The following AMER1 variants were observed in gnomAD, a reference collection of about 807,000 sequenced individuals.
The protein encoded by AMER1 is APC membrane recruitment protein 1.
AMER1 carries 16 observed loss-of-function variants against 53.0 expected under a neutral mutation model. The observed-to-expected ratio is 0.30, with a 90% CI of 0.20 to 0.46. The LOEUF is 0.46. AMER1 is among the 20% of genes least tolerant of loss of function. The pLI is 1.00. For missense variants in AMER1, 947 were observed against 884.9 expected (o/e 1.07, Z -0.89); for synonymous variants, 354 against 331.9 (o/e 1.07, Z -0.73).
Position 64,189,324 on chromosome X carries a change from G to T in AMER1, c.*555C>A. 1.3e-6 allele frequency: 1 copy of T among 787,664 alleles called. No homozygotes were observed. The allele number at this position is 787,664 out of a possible 1,213,427, so 64.9% of individuals were successfully genotyped here. A position where few individuals can be genotyped will look rare whatever the true frequency, so the allele number is the denominator to read the frequency against. On this transcript the variant is annotated 3_prime_UTR_variant, in exon 2 of 2. Coordinates refer to ENST00000374869, the MANE Select transcript of AMER1 (RefSeq NM_152424.4). ...ATTTCACATTGCTAATAGCAAATAA[G>T]CCCCACTTCCCCAAGCGGGAGGCAA...
Position 64,189,793 on chromosome X carries a change from A to ACGGGGGCCCCCCCCCCCC in AMER1, c.*85_*86insGGGGGGGGGGGGCCCCCG. 4 of 292,064 alleles carry ACGGGGGCCCCCCCCCCCC rather than the reference A, an allele frequency of 1.4e-5. No individual in the cohort carries two copies. The highest frequency in any genetic ancestry group is 1.7e-4 in the East Asian group (1 of 5,961). The allele number at this position is 292,064 out of a possible 1,213,427, so 24.1% of individuals were successfully genotyped here. On this transcript the variant is annotated 3_prime_UTR_variant, in exon 2 of 2. Coordinates refer to ENST00000374869, the MANE Select transcript of AMER1 (RefSeq NM_152424.4). ...CAAAGGGTTTTCAAGTTAAACAACA[A>ACGGGGGCCCCCCCCCCCC]CCCCCACCCCCCCACCCTTCTGCCC...
intron 1 of AMER1, among the ~76,000 whole-genome samples, chrX:64,204,559 G>A (rs759791013): frequency 7.9e-5 from 9 of 113,313 alleles, no homozygotes; most frequent in Non-Finnish European, 1.7e-4. Flanking sequence ...CGAAGTTGGA[G>A]GGTTTGGCCA....
chrX:64,188,187 G>A lies in AMER1; in HGVS notation c.*1692C>T. 1.2e-6 allele frequency: 1 copy of A among 805,549 alleles called. No homozygotes were observed. The highest frequency in any genetic ancestry group is 7.5e-5 in the Admixed American group (1 of 13,390). The allele number at this position is 805,549 out of a possible 1,213,427, so 66.4% of individuals were successfully genotyped here. A position where few individuals can be genotyped will look rare whatever the true frequency, so the allele number is the denominator to read the frequency against. On this transcript the variant is annotated 3_prime_UTR_variant, in exon 2 of 2. Transcript: ENST00000374869. ...ATATCTCAGGAATGGCAAGAACCCT[G>A]TTGACTTCTTCTCTCAACAGGCATG...
At position 64,191,116 on chromosome X, in the gene AMER1, C is replaced by T. The variant is rs981699309; in HGVS notation, c.2171G>A (p.Ser724Asn). The T allele has an allele frequency of 8.2e-7, 1 of 1,212,347 alleles. No individual in the cohort carries two copies. The highest frequency in any genetic ancestry group is 1.1e-6 in the Non-Finnish European group (1 of 895,683). ...CATGTCTGGCTCAAACATGGCATCACTCTGGAAGAGCTGCATCAGGCAGGT... is the reference window on the plus strand; with the variant it reads ...CATGTCTGGCTCAAACATGGCATCATTCTGGAAGAGCTGCATCAGGCAGGT... ...QSTCLMQLFQ[S>N]DAMFEPDMQE... is the part of the protein sequence containing the mutation. The change falls in exon 2 of 2, where the codon AGT (serine) becomes AAT (asparagine). Residue 724 changes from serine (S) to asparagine (N), a missense_variant. Physicochemically the swap from Ser to Asn is conservative, Grantham distance 46. Coordinates refer to ENST00000374869, the MANE Select transcript of AMER1 (RefSeq NM_152424.4).
At position 64,190,191 on chromosome X, in the gene AMER1, A is replaced by G. The variant is rs771124419; in HGVS notation, c.3096T>C (p.Pro1032=). ...RPSHLHLPMG[P]CYNLQPQASQ... ...AGGCCTGTGGCTGGAGGTTATAGCAAGGGCCCATGGGCAGGTGTAGGTGTG... is the reference window on the plus strand; with the variant it reads ...AGGCCTGTGGCTGGAGGTTATAGCAGGGGCCCATGGGCAGGTGTAGGTGTG... The change falls in exon 2 of 2, where the codon CCT becomes CCC. Residue 1032 remains proline, a synonymous_variant. Transcript: ENST00000374869. 8.3e-7 allele frequency: 1 copy of G among 1,209,805 alleles called. No homozygotes were observed.
intron 1 of AMER1, among the ~76,000 whole-genome samples, chrX:64,201,670 T>G (rs2147094869): frequency 8.9e-6 from 1 of 111,933 alleles, no homozygotes; most frequent in Non-Finnish European, 1.9e-5. Context: ...GAAATAACAT[T>G]GGACATTCTC....
chrX:64,200,573 G>A (rs1330453627), intron 1 of AMER1, among the ~76,000 whole-genome samples: 2 of 111,962 alleles, frequency 1.8e-5, no homozygotes, highest in Non-Finnish European at 3.8e-5. Context: ...ATGGGAGATT[G>A]GACCAGGGAG....
In AMER1 at chrX:64,189,950, T is replaced by C. The variant is rs2147083957; in HGVS notation, c.3337A>G (p.Arg1113Gly). ...GCAAGAGAGGCACCTTGCTCAGCCC[T>C]CTCCTTTGACAGGTCAAGGCTGGAA... The part of the protein sequence containing the change: ...GPSSLDLSKE[R>G]AEQGASLATS... Residue 1113 changes from arginine (R) to glycine (G), a missense_variant, in exon 2 of 2, where the codon AGG becomes GGG. Physicochemically the swap from Arg to Gly is moderately radical, Grantham distance 125. Transcript: ENST00000374869. The C allele has an allele frequency of 8.3e-7, 1 of 1,206,475 alleles. No homozygotes were observed.
At position 64,192,701 on chromosome X, in the gene AMER1, C is replaced by A. The variant is rs751224138; in HGVS notation, c.586G>T (p.Gly196Trp). The A allele has an allele frequency of 1.0e-5, 12 of 1,180,882 alleles. No homozygotes were observed. Among genetic ancestry groups the A allele is most frequent in the Non-Finnish European group, 1.4e-5 (12 of 881,619 alleles). ...GAEQSEPGAK[G>W]PERVRARPHE... is the part of the protein sequence containing the mutation. The stretch of plus-strand genomic sequence containing the variant: ...GGCCTGGCTCTGACCCTCTCAGGCC[C>A]CTTGGCCCCTGGCTCACTTTGCTCA... The change falls in exon 2 of 2, where the codon GGG becomes TGG. Residue 196 changes from glycine to tryptophan, a missense_variant. By Grantham distance (184) the Gly-to-Trp change is radical (BLOSUM62 -2). Coordinates refer to ENST00000374869, the MANE Select transcript of AMER1 (RefSeq NM_152424.4).
chrX:64,188,058 T>G lies in AMER1; in HGVS notation c.*1821A>C. The G allele has an allele frequency of 1.3e-6, 1 of 783,400 alleles. No individual in the cohort carries two copies. The highest frequency in any genetic ancestry group is 1.5e-6 in the Non-Finnish European group (1 of 656,905). The allele number at this position is 783,400 out of a possible 1,213,427, so 64.6% of individuals were successfully genotyped here. A position where few individuals can be genotyped will look rare whatever the true frequency, so the allele number is the denominator to read the frequency against. On this transcript the variant is annotated 3_prime_UTR_variant, in exon 2 of 2. Transcript: ENST00000374869. ...GGGCCAACCCCAATCTGAGAAATGG[T>G]GACAAAGACCAGCATGGACACATCC...
In AMER1 at chrX:64,185,439, T is replaced by G; in HGVS notation, c.*4440A>C. 3 of 165,794 alleles carry G rather than the reference T, an allele frequency of 1.8e-5. No individual in the cohort carries two copies. The highest frequency in any genetic ancestry group is 8.6e-5 in the East Asian group (1 of 11,636). The allele number at this position is 165,794 out of a possible 1,213,427, so 13.7% of individuals were successfully genotyped here. On this transcript the variant is annotated 3_prime_UTR_variant, in exon 2 of 2. Coordinates refer to ENST00000374869, the MANE Select transcript of AMER1 (RefSeq NM_152424.4). Reference sequence around the variant, plus strand: ...GACCTAAATATACATTCCTGTTTTATTCCCCCCCACCCCCACCCCCATATA... The same window carrying G: ...GACCTAAATATACATTCCTGTTTTAGTCCCCCCCACCCCCACCCCCATATA...
chrX:64,205,106 G>A (rs1334476026), intron 1 of AMER1, among the ~76,000 whole-genome samples: 2 of 113,879 alleles, frequency 1.8e-5, no homozygotes, highest in Non-Finnish European at 3.7e-5. Context: ...CACAGGGGAG[G>A]GGAGGGGCGG....
rs145641184 is a variant in AMER1, at chrX:64,191,280, C to T, written c.2007G>A (p.Gly669=). 102 of 1,209,735 alleles carry T rather than the reference C, an allele frequency of 8.4e-5. No individual in the cohort carries two copies. The highest frequency in any genetic ancestry group is 1.0e-4 in the Non-Finnish European group (90 of 895,088). ...GGGAAATCTGAGAGGTCCCTGATACCCCTGCTGCCAGGCCCATCACTGATG... is the reference window on the plus strand; with the variant it reads ...GGGAAATCTGAGAGGTCCCTGATACTCCTGCTGCCAGGCCCATCACTGATG... ...LGPSVMGLAA[G]VSGTSQISHR... The change falls in exon 2 of 2, where the codon GGG becomes GGA. Residue 669 remains glycine (G), a synonymous_variant. Transcript: ENST00000374869.
At position 64,189,799 on chromosome X, in the gene AMER1, A is replaced by ACCCCCCCCCCCCCCCCCCCCCCCCCC; in HGVS notation, c.*79_*80insGGGGGGGGGGGGGGGGGGGGGGGGGG. The ACCCCCCCCCCCCCCCCCCCCCCCCCC allele has an allele frequency of 1.6e-5, 2 of 125,104 alleles. No individual in the cohort carries two copies. Among genetic ancestry groups the ACCCCCCCCCCCCCCCCCCCCCCCCCC allele is most frequent in the Non-Finnish European group, 2.9e-5 (2 of 70,167 alleles). The allele number at this position is 125,104 out of a possible 1,213,427, so 10.3% of individuals were successfully genotyped here. Reference sequence around the variant, plus strand: ...GTTTTCAAGTTAAACAACAACCCCCACCCCCCCACCCTTCTGCCCAACCCC... The same window carrying ACCCCCCCCCCCCCCCCCCCCCCCCCC: ...GTTTTCAAGTTAAACAACAACCCCCACCCCCCCCCCCCCCCCCCCCCCCCCCCCCCCCCACCCTTCTGCCCAACCCC... On this transcript the variant is annotated 3_prime_UTR_variant, in exon 2 of 2. Coordinates refer to ENST00000374869, the MANE Select transcript of AMER1 (RefSeq NM_152424.4).
intron 1 of AMER1, among the ~76,000 whole-genome samples, chrX:64,203,928 C>A (rs1352613016): frequency 9.0e-6 from 1 of 111,473 alleles, no homozygotes; most frequent in Non-Finnish European, 1.9e-5. Context: ...TCATAAAGGT[C>A]CAGAGCTAGC....
At chrX:64,193,614 C>A (rs1317844290) in intron 1 of AMER1, among the ~76,000 whole-genome samples, 1 of 112,334 alleles carries the variant, frequency 8.9e-6, no homozygotes, top group East Asian at 2.8e-4. Context: ...TCATCCCCTA[C>A]CTTCTTGCTG....
Position 64,189,185 on chromosome X carries a change from A to T in AMER1, c.*694T>A. 1.2e-6 allele frequency: 1 copy of T among 801,069 alleles called. No homozygotes were observed. Among genetic ancestry groups the T allele is most frequent in the African/African-American group, 2.2e-5 (1 of 45,885 alleles). The allele number at this position is 801,069 out of a possible 1,213,427, so 66.0% of individuals were successfully genotyped here. On this transcript the variant is annotated 3_prime_UTR_variant, in exon 2 of 2. Transcript: ENST00000374869. ...AGCGATAGGCTGTGAGACACACGCTACTTGATCCTCTCTAAGGACAGCTAG... is the reference window on the plus strand; with the variant it reads ...AGCGATAGGCTGTGAGACACACGCTTCTTGATCCTCTCTAAGGACAGCTAG...
At position 64,192,877 on chromosome X, in the gene AMER1, A is replaced by G. The variant is rs1252176509; in HGVS notation, c.410T>C (p.Leu137Ser). Residue 137 changes from leucine (L) to serine (S), a missense_variant, in exon 2 of 2, where the codon TTG becomes TCG. Transcript: ENST00000374869. ...TGTCTTACATCTGGAGCCTGTCTCCAAAGCCCCATGGGCACTCTGAGAGCT... is the reference window on the plus strand; with the variant it reads ...TGTCTTACATCTGGAGCCTGTCTCCGAAGCCCCATGGGCACTCTGAGAGCT... ...FPSSQSAHGA[L>S]ETGSRCKTSV... 8.2e-7 allele frequency: 1 copy of G among 1,212,240 alleles called. No homozygotes were observed.
chrX:64,202,863 G>A (rs188184969), intron 1 of AMER1, among the ~76,000 whole-genome samples: 13 of 111,570 alleles, frequency 1.2e-4, no homozygotes, highest in African/African-American at 2.0e-4. Flanking sequence ...CTTTGATGCC[G>A]CCTTCCCCTA....
Sources: allele counts gnomAD v4.1 joint callset (sites outside exome capture counted in the v4.1 genomes callset), GRCh38; gene constraint gnomAD v4.1.1; transcripts MANE v1.5; gene names NCBI Gene and HGNC (gene_info 2026-07-23, HGNC 2026-07-21).